CWC27: variants seen among roughly 807,000 people sequenced by gnomAD.
The protein encoded by CWC27 is CWC27 spliceosome associated cyclophilin, also known as spliceosome-associated protein CWC27 homolog.
In CWC27, 47 loss-of-function variants were observed where a neutral mutation model predicts 63.6. The observed-to-expected ratio is 0.74, with a 90% CI of 0.58 to 0.94. The LOEUF is 0.94. CWC27 is among the 40% of genes least tolerant of loss of function. The pLI is 0.00. For missense variants in CWC27, 495 were observed against 554.3 expected (o/e 0.89, Z 1.07); for synonymous variants, 175 against 179.8 (o/e 0.97, Z 0.22).
chr5:64,786,164 CAAAAAAAAAAAA>C (rs1209111233), intron 5 of CWC27, among the ~76,000 whole-genome samples: 1 of 64,282 alleles, frequency 1.6e-5, no homozygotes, highest in Non-Finnish European at 3.3e-5. Flanking sequence ...GACTCCATCT[CAAAAAAAAAAAA>C]AAAAAAAAAG....
intron 13 of CWC27, among the ~76,000 whole-genome samples, chr5:65,017,070 C>T (rs1215005227): frequency 6.6e-6 from 1 of 151,990 alleles, no homozygotes; most frequent in Non-Finnish European, 1.5e-5. Context: ...ACCTGTAATC[C>T]CAGCACTTTG....
intron 10 of CWC27, among the ~76,000 whole-genome samples, chr5:64,825,392 A>T (rs116361205): frequency 6.6e-4 from 100 of 152,308 alleles, no homozygotes; most frequent in African/African-American, 2.3e-3. Flanking sequence ...GAACGTGGTA[A>T]GCAGGGAGAG....
chr5:64,995,242 G>A (rs1387220477), intron 13 of CWC27, among the ~76,000 whole-genome samples: 2 of 152,056 alleles, frequency 1.3e-5, no homozygotes, highest in Non-Finnish European at 2.9e-5. Context: ...AAAGTGCTAG[G>A]ATTACAGGTA....
intron 13 of CWC27, among the ~76,000 whole-genome samples, chr5:65,006,498 A>G (rs966214779): frequency 6.6e-6 from 1 of 152,168 alleles, no homozygotes; most frequent in African/African-American, 2.4e-5. Context: ...AATAGCCTTT[A>G]TAAAGATTTA....
Position 64,800,373 on chromosome 5 carries a change from C to T in CWC27, c.749+46C>T, listed in dbSNP as rs149307543. 9.3e-4 allele frequency: 1,325 copies of T among 1,427,634 alleles called. 3 individuals are homozygous for T. Among genetic ancestry groups the T allele is most frequent in the South Asian group, 1.6e-3 (131 of 80,970 alleles). The allele number at this position is 1,427,634 out of a possible 1,614,324, so 88.4% of individuals were successfully genotyped here. On this transcript the variant is annotated intron_variant, in intron 8 of 13. Transcript: ENST00000381070. The stretch of plus-strand genomic sequence containing the variant: ...ATCCTAAGTTCTTAATTTTCTGGCT[C>T]AGATAATTTTCTTGCTTCTTCTGTG...
chr5:64,909,065 G>C (rs989525087), intron 11 of CWC27, among the ~76,000 whole-genome samples: 1 of 152,112 alleles, frequency 6.6e-6, no homozygotes, highest in Non-Finnish European at 1.5e-5. Context: ...AGGAACTCTT[G>C]TAGGGCAGGC....
rs74467623 is a variant in CWC27, at chr5:64,902,111, A to C, written c.1042+16565A>C. On this transcript the variant is annotated intron_variant, in intron 11 of 13. Coordinates refer to ENST00000381070, the MANE Select transcript of CWC27 (RefSeq NM_005869.4). ...TTTATAGGTAGGAGTACACTCTAAA[A>C]TAACAATAAAAATATAGGATAATAA... Among the ~76,000 whole-genome samples the C allele has an allele frequency of 3.8e-3, 584 of 152,360 alleles. 27 individuals carry two copies. In the East Asian group the frequency reaches 0.091, roughly 24 times the overall value.
intron 13 of CWC27, among the ~76,000 whole-genome samples, chr5:65,015,854 C>T (rs902501411): frequency 6.6e-5 from 10 of 152,168 alleles, no homozygotes; most frequent in African/African-American, 2.4e-4. Flanking sequence ...CTCAGAAGCC[C>T]CATTATTTGA....
intron 10 of CWC27, among the ~76,000 whole-genome samples, chr5:64,812,192 G>A (rs1047909089): frequency 7.2e-5 from 11 of 151,832 alleles, no homozygotes; most frequent in Non-Finnish European, 1.2e-4. Flanking sequence ...AAAATTTAAA[G>A]GATAGTATAC....
intron 5 of CWC27, 84 bp from the exon 6 acceptor site, chr5:64,786,440 A>G (rs1387968008): frequency 1.2e-5 from 9 of 742,744 alleles, no homozygotes; most frequent in South Asian, 4.2e-5. Context: ...TATAGACACT[A>G]TACCACTGGA....
At chr5:64,781,462 A>AT (rs1402992806) in intron 2 of CWC27, among the ~76,000 whole-genome samples, 2 of 152,228 alleles carry the variant, frequency 1.3e-5, no homozygotes, top group African/African-American at 4.8e-5. Context: ...CTCAGTCTCC[A>AT]TACAGTTGAC....
At chr5:64,970,071 G>A (rs947907607) in intron 11 of CWC27, among the ~76,000 whole-genome samples, 12 of 152,140 alleles carry the variant, frequency 7.9e-5, no homozygotes, top group Non-Finnish European at 1.8e-4. Context: ...GGAAAGCAAA[G>A]CATTAACTGC....
At chr5:64,910,383 C>T (rs913905341) in intron 11 of CWC27, among the ~76,000 whole-genome samples, 1 of 152,226 alleles carries the variant, frequency 6.6e-6, no homozygotes, top group Non-Finnish European at 1.5e-5. Flanking sequence ...GGAGGTGTCT[C>T]TCAGTTAGGC....
intron 13 of CWC27, among the ~76,000 whole-genome samples, chr5:65,012,263 T>C (rs975558381): frequency 6.6e-6 from 1 of 152,224 alleles, no homozygotes; most frequent in Non-Finnish European, 1.5e-5. Flanking sequence ...TAGAAGAAAG[T>C]ATCTGGTCAA....
At chr5:64,912,088 A>AG (rs1485203750) in intron 11 of CWC27, among the ~76,000 whole-genome samples, 3 of 128,076 alleles carry the variant, frequency 2.3e-5, no homozygotes, top group Middle Eastern at 3.5e-3. Context: ...AAAAAAAAAA[A>AG]AAAGAAAGAA....
intron 13 of CWC27, among the ~76,000 whole-genome samples, chr5:64,990,650 A>G (rs1749522701): frequency 6.6e-6 from 1 of 152,186 alleles, no homozygotes; most frequent in Non-Finnish European, 1.5e-5. Flanking sequence ...CTGTTTTCTT[A>G]CAGTCCAGAT....
At chr5:64,901,661 T>C (rs891580858) in intron 11 of CWC27, among the ~76,000 whole-genome samples, 1 of 152,146 alleles carries the variant, frequency 6.6e-6, no homozygotes, top group African/African-American at 2.4e-5. Flanking sequence ...TTAAATTTTT[T>C]TCTCTCTTTA....
At chr5:64,845,244 A>G (rs897234772) in intron 10 of CWC27, among the ~76,000 whole-genome samples, 2 of 152,216 alleles carry the variant, frequency 1.3e-5, no homozygotes, top group South Asian at 4.1e-4. Flanking sequence ...ACCTCTATCC[A>G]TGCCAAAGAA....
intron 2 of CWC27, among the ~76,000 whole-genome samples, chr5:64,780,369 G>A (rs1743624150): frequency 9.7e-6 from 1 of 102,940 alleles, no homozygotes; most frequent in Non-Finnish European, 2.0e-5. Context: ...GAACATTTGT[G>A]TGTATTTGAG....
Sources: allele counts gnomAD v4.1 joint callset (sites outside exome capture counted in the v4.1 genomes callset), GRCh38; gene constraint gnomAD v4.1.1; transcripts MANE v1.5; gene names NCBI Gene and HGNC (gene_info 2026-07-23, HGNC 2026-07-21).